Variants in PALMD observed in about 807,000 individuals in gnomAD.
The protein encoded by PALMD is palmdelphin, also known as paralemmin-like protein.
A neutral mutation model predicts 56.2 loss-of-function variants in PALMD; 42 were observed. That is an observed-to-expected ratio of 0.75 (90% CI 0.58 to 0.97). The LOEUF is 0.97. Ranked by LOEUF, PALMD falls within the 50% of genes least tolerant of loss-of-function variation. The probability of loss-of-function intolerance (pLI) is 0.00; values close to 1 mark genes in which losing one functional copy is unlikely to be tolerated. For missense variants in PALMD, 660 were observed against 643.8 expected (o/e 1.03, Z -0.27); for synonymous variants, 242 against 222.9 (o/e 1.09, Z -0.76).
intron 3 of PALMD, among the ~76,000 whole-genome samples, chr1:99,681,665 T>G (rs1653350315): frequency 6.6e-6 from 1 of 152,198 alleles, no homozygotes; most frequent in Non-Finnish European, 1.5e-5. Flanking sequence ...TCAGCACTAT[T>G]GACACTTTGG....
At chr1:99,662,205 C>T in intron 1 of PALMD, 114 bp from the exon 2 acceptor site, 1 of 654,438 alleles carries the variant, frequency 1.5e-6, no homozygotes, top group Non-Finnish European at 2.7e-6. Context: ...AGCAGCTTCA[C>T]ACCAATGCCA....
chr1:99,684,965 G>A (rs2100873761), intron 3 of PALMD: 1 of 152,282 alleles, frequency 6.6e-6, no homozygotes, highest in Middle Eastern at 3.4e-3. Flanking sequence ...GAACCTTCTT[G>A]TTTTCTACCA....
chr1:99,670,567 CT>C (rs574134333), intron 3 of PALMD, among the ~76,000 whole-genome samples: 4 of 152,118 alleles, frequency 2.6e-5, no homozygotes, highest in Middle Eastern at 6.8e-3. Context: ...TGCAAATGCT[CT>C]AGAAATAGTA....
rs372513205 is a variant in PALMD at position 99,646,374 on chromosome 1, T to C, written c.45+12T>C. The C allele has an allele frequency of 2.4e-5, 39 of 1,604,382 alleles. No homozygotes were observed. Among genetic ancestry groups the C allele is most frequent in the Non-Finnish European group, 3.2e-5 (38 of 1,171,072 alleles). On this transcript the variant is annotated intron_variant, in intron 1 of 7. Coordinates refer to ENST00000263174, the MANE Select transcript of PALMD (RefSeq NM_017734.5). ...TCCAGGCCATCACAGTAAGTCTGCA[T>C]ACAGTTATAACTCATTAACGTTGTT...
intron 2 of PALMD, among the ~76,000 whole-genome samples, chr1:99,663,052 T>A (rs952610305): frequency 7.9e-5 from 12 of 152,270 alleles, no homozygotes; most frequent in African/African-American, 2.6e-4. Context: ...CAGCAGCTCC[T>A]TGTGAAAAGG....
At chr1:99,652,659 AGAAAG>A (rs59533552) in intron 1 of PALMD, among the ~76,000 whole-genome samples, 21,935 of 121,518 alleles carry the variant, frequency 0.18, 2,986 homozygotes, top group African/African-American at 0.3. Context: ...AAGAAAGAAA[AGAAAG>A]GAAAGGAAAG....
intron 1 of PALMD, among the ~76,000 whole-genome samples, chr1:99,657,968 A>T (rs1273278866): frequency 1.3e-5 from 2 of 152,202 alleles, no homozygotes; most frequent in Non-Finnish European, 2.9e-5. Context: ...ATCATACATT[A>T]CTAATGCCTT....
chr1:99,675,301 C>G (rs1000934551), intron 3 of PALMD, among the ~76,000 whole-genome samples: 4 of 152,200 alleles, frequency 2.6e-5, no homozygotes, highest in African/African-American at 9.6e-5. Context: ...GAAAGAGTCA[C>G]TATCTACATC....
chr1:99,646,461 A>G, intron 1 of PALMD, 99 bp downstream of exon 1: 1 of 874,008 alleles, frequency 1.1e-6, no homozygotes, highest in Non-Finnish European at 2.0e-6. Flanking sequence ...AAGTGGAAAA[A>G]CAGAACTGTC....
intron 3 of PALMD, among the ~76,000 whole-genome samples, chr1:99,677,987 C>T (rs1355958562): frequency 6.6e-6 from 1 of 152,134 alleles, no homozygotes; most frequent in Non-Finnish European, 1.5e-5. Flanking sequence ...TAGTACCATG[C>T]TTGCTAAAGT....
At chr1:99,682,338 A>G (rs1653362629) in intron 3 of PALMD, among the ~76,000 whole-genome samples, 1 of 152,150 alleles carries the variant, frequency 6.6e-6, no homozygotes, top group African/African-American at 2.4e-5. Flanking sequence ...TTCAACTCAG[A>G]GTTGGCTGTG....
At chr1:99,690,024 C>A in intron 7 of PALMD, 152 bp downstream of exon 7, 4 of 614,990 alleles carry the variant, frequency 6.5e-6, no homozygotes, top group Non-Finnish European at 8.2e-6. Context: ...ATTATTATCA[C>A]CACAGTAAAG....
intron 1 of PALMD, among the ~76,000 whole-genome samples, chr1:99,651,967 T>G (rs928932704): frequency 6.6e-6 from 1 of 152,242 alleles, no homozygotes; most frequent in Non-Finnish European, 1.5e-5. Flanking sequence ...CCTAATCAAT[T>G]ACGCTAACAA....
intron 1 of PALMD, among the ~76,000 whole-genome samples, chr1:99,652,064 G>T (rs1176196060): frequency 6.6e-6 from 1 of 152,146 alleles, no homozygotes; most frequent in East Asian, 1.9e-4. Context: ...ATAGCATTTA[G>T]GCTATGAAAA....
In PALMD at chr1:99,689,697, A is replaced by T; in HGVS notation, c.1437A>T (p.Thr479=). 2 of 1,613,722 alleles carry T rather than the reference A, an allele frequency of 1.2e-6. No individual in the cohort carries two copies. The highest frequency in any genetic ancestry group is 1.7e-6 in the Non-Finnish European group (2 of 1,179,834). ...HSQVYQPAKP[T]PLPRKRSEAS... ...AGGTGTACCAGCCAGCCAAACCAAC[A>T]CCACTTCCTAGAAAAAGATCAGAAG... Residue 479 remains threonine, a synonymous_variant, in exon 7 of 8, where the codon ACA becomes ACT. Coordinates refer to ENST00000263174, the MANE Select transcript of PALMD (RefSeq NM_017734.5).
rs191658169 is a variant in PALMD at position 99,658,116 on chromosome 1, C to T, written c.46-4203C>T. ...AGGATTTCAAGATCAGCCTGGCCAA[C>T]ATGGCAAAACTCCATCATCTCTACT... On this transcript the variant is annotated intron_variant, in intron 1 of 7. Coordinates refer to ENST00000263174, the MANE Select transcript of PALMD (RefSeq NM_017734.5). 2.2e-3 allele frequency among the ~76,000 whole-genome samples: 331 copies of T among 152,102 alleles called. 2 individuals are homozygous for T. The highest frequency in any genetic ancestry group is 4.5e-3 in the Admixed American group (69 of 15,288).
At chr1:99,653,827 C>T (rs890647785) in intron 1 of PALMD, among the ~76,000 whole-genome samples, 3 of 152,086 alleles carry the variant, frequency 2.0e-5, no homozygotes, top group African/African-American at 7.2e-5. Context: ...TAACTTCCAC[C>T]CAATCTTCAT....
chr1:99,680,615 T>G (rs892629207), intron 3 of PALMD, among the ~76,000 whole-genome samples: 2 of 152,132 alleles, frequency 1.3e-5, no homozygotes, highest in African/African-American at 4.8e-5. Context: ...GGTAATACCT[T>G]CTAAAGATGG....
rs115892290 is a variant in PALMD at position 99,647,873 on chromosome 1, G to T, written c.45+1511G>T. 4.3e-3 allele frequency among the ~76,000 whole-genome samples: 661 copies of T among 152,316 alleles called. 4 individuals are homozygous for T. The highest frequency in any genetic ancestry group is 0.015 in the African/African-American group (634 of 41,560). On this transcript the variant is annotated intron_variant, in intron 1 of 7. Coordinates refer to ENST00000263174, the MANE Select transcript of PALMD (RefSeq NM_017734.5). Reference sequence around the variant, plus strand: ...CTCGCTCAAGCCCTTTTTCCCTCCAGTGTACCTTATAACTCTTACCAAAGC... The same window carrying T: ...CTCGCTCAAGCCCTTTTTCCCTCCATTGTACCTTATAACTCTTACCAAAGC...
Sources: allele counts gnomAD v4.1 joint callset (sites outside exome capture counted in the v4.1 genomes callset), GRCh38; gene constraint gnomAD v4.1.1; transcripts MANE v1.5; gene names NCBI Gene and HGNC (gene_info 2026-07-23, HGNC 2026-07-21).